The following NR2C2 variants were observed in gnomAD, a reference collection of about 807,000 sequenced individuals.
NR2C2 encodes nuclear receptor subfamily 2 group C member 2, also known as Nuclear hormone receptor TR4.
NR2C2 carries 6 observed loss-of-function variants against 62.9 expected under a neutral mutation model. The observed-to-expected ratio is 0.10, with a 90% CI of 0.05 to 0.19. The LOEUF (loss-of-function observed/expected upper bound fraction) is 0.19, where lower values mean the gene tolerates loss of function less well. Ranked by LOEUF, NR2C2 falls within the 10% of genes least tolerant of loss-of-function variation. The probability of loss-of-function intolerance (pLI) is 1.00; values close to 1 mark genes in which losing one functional copy is unlikely to be tolerated. For synonymous variants in NR2C2, 272 were observed against 273.8 expected (o/e 0.99, Z 0.07); for missense variants, 479 against 762.7 (o/e 0.63, Z 4.38).
chr3:15,003,856 A>C lies in NR2C2; in HGVS notation c.-39-20A>C. 6.5e-7 allele frequency: 1 copy of C among 1,543,114 alleles called. No homozygotes were observed. Among genetic ancestry groups the C allele is most frequent in the Non-Finnish European group, 9.0e-7 (1 of 1,116,136 alleles). ...ATCATTCTGAACCCCCTTGTGATCC[A>C]GCCCACTTCTCACCCACAGGTAACA... On this transcript the variant is annotated intron_variant, in intron 1 of 13. Transcript: ENST00000425241.
chr3:14,967,255 G>T (rs1360922071), intron 1 of NR2C2, among the ~76,000 whole-genome samples: 1 of 151,452 alleles, frequency 6.6e-6, no homozygotes, highest in African/African-American at 2.4e-5. Flanking sequence ...CTTCTTCTTG[G>T]TCAATCTAGC....
chr3:14,998,045 A>G (rs983823764), intron 1 of NR2C2, among the ~76,000 whole-genome samples: 1 of 152,184 alleles, frequency 6.6e-6, no homozygotes, highest in Non-Finnish European at 1.5e-5. Context: ...GAATCATGCA[A>G]TATATGGTGG....
At chr3:15,011,411 T>A (rs115817557) in intron 2 of NR2C2, among the ~76,000 whole-genome samples, 1,722 of 152,338 alleles carry the variant, frequency 0.011, 15 homozygotes, top group Non-Finnish European at 0.016. Context: ...AAAGGCCATC[T>A]TCTTTATCTA....
chr3:14,978,607 A>G (rs1057332024), intron 1 of NR2C2, among the ~76,000 whole-genome samples: 2 of 152,156 alleles, frequency 1.3e-5, no homozygotes, highest in Admixed American at 1.3e-4. Flanking sequence ...TCCTATCTGC[A>G]GGGTACCACA....
intron 12 of NR2C2, chr3:15,038,676 C>CA (rs2042170104): frequency 5.9e-6 from 1 of 169,106 alleles, no homozygotes; most frequent in African/African-American, 2.4e-5. Flanking sequence ...GCTAATTGTT[C>CA]ACCTCACAGT....
chr3:15,041,756 C>A (rs2042273392), intron 13 of NR2C2, among the ~76,000 whole-genome samples: 1 of 152,056 alleles, frequency 6.6e-6, no homozygotes, highest in African/African-American at 2.4e-5. Context: ...ACTCAGAAGT[C>A]TGAGGTGGGA....
chr3:14,973,282 T>C (rs920787500), intron 1 of NR2C2, among the ~76,000 whole-genome samples: 1 of 152,120 alleles, frequency 6.6e-6, no homozygotes, highest in South Asian at 2.1e-4. Context: ...CTGGAATGCA[T>C]TGGCACAAAC....
chr3:14,956,305 T>G (rs560765972), intron 1 of NR2C2, among the ~76,000 whole-genome samples: 2 of 152,350 alleles, frequency 1.3e-5, no homozygotes, highest in African/African-American at 4.8e-5. Context: ...ATCCTTCCAT[T>G]TTAATTTTCC....
chr3:15,022,607 T>C (rs1163680074), intron 5 of NR2C2, among the ~76,000 whole-genome samples: 1 of 152,078 alleles, frequency 6.6e-6, no homozygotes, highest in Non-Finnish European at 1.5e-5. Context: ...GGTTTTGCCA[T>C]GTTGGGCAAG....
At chr3:14,966,927 A>G (rs187483921) in intron 1 of NR2C2, among the ~76,000 whole-genome samples, 288 of 152,330 alleles carry the variant, frequency 1.9e-3, no homozygotes, top group African/African-American at 6.7e-3. Context: ...AATTGTTTAT[A>G]AAGAATTGAT....
intron 10 of NR2C2, among the ~76,000 whole-genome samples, chr3:15,033,664 T>A (rs1046122978): frequency 1.2e-4 from 17 of 145,262 alleles, no homozygotes; most frequent in Non-Finnish European, 2.1e-4. Context: ...TTTTTTTTTT[T>A]AAATAACACC....
chr3:15,047,333 G>T lies in NR2C2; in HGVS notation c.*4325G>T, dbSNP rs2042492085. Reference sequence around the variant, plus strand: ...GCAAAAGGAAGAATTCCAGGCAGAAGAGGTTCTGACAGGGTGACATTTCCG... The same window carrying T: ...GCAAAAGGAAGAATTCCAGGCAGAATAGGTTCTGACAGGGTGACATTTCCG... On this transcript the variant is annotated 3_prime_UTR_variant, in exon 14 of 14. Transcript: ENST00000425241. The T allele has an allele frequency of 6.6e-6, 1 of 152,234 alleles. No individual in the cohort carries two copies. Among genetic ancestry groups the T allele is most frequent in the Admixed American group, 6.5e-5 (1 of 15,280 alleles). 9.4% of individuals were successfully genotyped at this position (152,234 alleles called of 1,614,324 possible).
rs2042492978 is a variant in NR2C2 at position 15,047,368 on chromosome 3, T to C, written c.*4360T>C. ...CAGGGTGACATTTCCGTATATTCTC[T>C]AGGTTCGGACAAGAGCCAGGAAGCT... On this transcript the variant is annotated 3_prime_UTR_variant, in exon 14 of 14. Transcript: ENST00000425241. The C allele has an allele frequency of 6.6e-6, 1 of 152,246 alleles. No homozygotes were observed. The highest frequency in any genetic ancestry group is 1.5e-5 in the Non-Finnish European group (1 of 68,048). 9.4% of individuals were successfully genotyped at this position (152,246 alleles called of 1,614,324 possible).
At chr3:14,968,296 AAAAC>A (rs1250869735) in intron 1 of NR2C2, among the ~76,000 whole-genome samples, 1 of 152,078 alleles carries the variant, frequency 6.6e-6, no homozygotes, top group Non-Finnish European at 1.5e-5. Context: ...TTACAAGAAA[AAAAC>A]AACCCCATCA....
At position 15,028,607 on chromosome 3, in the gene NR2C2, C is replaced by A; in HGVS notation, c.820C>A (p.Leu274Met). Residue 274 changes from leucine to methionine, a missense_variant, in exon 8 of 14, where the codon CTG becomes ATG. Leu to Met is a conservative substitution (Grantham distance 15). Transcript: ENST00000425241. ...DSKAETSQGALGTLANVVTSL... is the reference protein window; with the variant it reads ...DSKAETSQGAMGTLANVVTSL... ...ATAGGCTGAAACAAGCCAGGGAGCT[C>A]TGGGCACACTGGCAAATGTAGTGAC... 6.2e-7 allele frequency: 1 copy of A among 1,613,880 alleles called. No homozygotes were observed. The highest frequency in any genetic ancestry group is 8.5e-7 in the Non-Finnish European group (1 of 1,179,820).
chr3:14,947,710 C>A lies in NR2C2; in HGVS notation c.-236C>A. On this transcript the variant is annotated 5_prime_UTR_variant, in exon 1 of 14. Coordinates refer to ENST00000425241, the MANE Select transcript of NR2C2 (RefSeq NM_001291694.2). ...TTCTCCGCGACCCCGGCGGCGCCCCCGGGCCCGTCCCCGCCACCCCGCTCC... is the reference window on the plus strand; with the variant it reads ...TTCTCCGCGACCCCGGCGGCGCCCCAGGGCCCGTCCCCGCCACCCCGCTCC... The A allele has an allele frequency of 6.7e-6, 1 of 149,274 alleles. No homozygotes were observed. The highest frequency in any genetic ancestry group is 1.9e-4 in the South Asian group (1 of 5,340). The allele number at this position is 149,274 out of a possible 1,614,324, so 9.2% of individuals were successfully genotyped here.
In NR2C2 at chr3:15,048,143, T is replaced by G. The variant is rs1296443546; in HGVS notation, c.*5135T>G. 2 of 152,662 alleles carry G rather than the reference T, an allele frequency of 1.3e-5. No individual in the cohort carries two copies. The highest frequency in any genetic ancestry group is 4.8e-5 in the African/African-American group (2 of 41,466). The allele number at this position is 152,662 out of a possible 1,614,324, so 9.5% of individuals were successfully genotyped here. On this transcript the variant is annotated 3_prime_UTR_variant, in exon 14 of 14. Transcript: ENST00000425241. ...TTATCAAAATGTTTTAAAAACACTTTATGAGACCATAGTACTCAGTGCCTT... is the reference window on the plus strand; with the variant it reads ...TTATCAAAATGTTTTAAAAACACTTGATGAGACCATAGTACTCAGTGCCTT...
intron 1 of NR2C2, among the ~76,000 whole-genome samples, chr3:14,970,203 C>G (rs1010704791): frequency 5.2e-5 from 7 of 134,750 alleles, no homozygotes; most frequent in African/African-American, 2.0e-4. Context: ...TAAAAAATGT[C>G]CTTACCCCAC....
intron 8 of NR2C2, among the ~76,000 whole-genome samples, chr3:15,029,834 T>C (rs1281525594): frequency 2.5e-5 from 3 of 120,700 alleles, no homozygotes; most frequent in African/African-American, 7.3e-5. Context: ...GATAGATAGA[T>C]AGATAGATAT....
Sources: allele counts gnomAD v4.1 joint callset (sites outside exome capture counted in the v4.1 genomes callset), GRCh38; gene constraint gnomAD v4.1.1; transcripts MANE v1.5; gene names NCBI Gene and HGNC (gene_info 2026-07-23, HGNC 2026-07-21).